The following HOOK1 variants were observed in gnomAD, a reference collection of about 807,000 sequenced individuals.
The protein encoded by HOOK1 is hook microtubule tethering protein 1.
In HOOK1, 60 loss-of-function variants were observed where a neutral mutation model predicts 112.8. The observed-to-expected ratio is 0.53, with a 90% CI of 0.43 to 0.66. HOOK1 has a LOEUF of 0.66. HOOK1 is among the 30% of genes least tolerant of loss of function. The pLI is 0.00. For missense variants in HOOK1, 770 were observed against 856.0 expected (o/e 0.90, Z 1.25); for synonymous variants, 294 against 283.8 (o/e 1.04, Z -0.36).
In HOOK1 at chr1:59,863,935, A is replaced by G. The variant is rs184372979; in HGVS notation, c.1627-697A>G. On this transcript the variant is annotated intron_variant, in intron 16 of 21. Transcript: ENST00000371208. ...CTAGAGAATACTTTTAAAATGAGGT[A>G]TTTTGCAGGGAGCACATTTTGGCTG... The G allele has an allele frequency of 2.7e-4, 138 of 520,378 alleles. No homozygotes were observed. The African/African-American group carries it at 2.7e-3, about 10-fold the overall frequency. The allele number at this position is 520,378 out of a possible 1,614,324, so 32.2% of individuals were successfully genotyped here.
At chr1:59,825,854 T>A (rs944404746) in intron 2 of HOOK1, among the ~76,000 whole-genome samples, 1 of 152,132 alleles carries the variant, frequency 6.6e-6, no homozygotes, top group Non-Finnish European at 1.5e-5. Flanking sequence ...AAAGTGTAGA[T>A]AGTTATGTGT....
chr1:59,823,329 AAAAC>A (rs750299468), intron 2 of HOOK1, among the ~76,000 whole-genome samples: 2 of 152,262 alleles, frequency 1.3e-5, no homozygotes, highest in Non-Finnish European at 2.9e-5. Context: ...CAAAAAACAA[AAAAC>A]AAACAAACAA....
chr1:59,815,098 C>A lies in HOOK1; in HGVS notation c.-20C>A. ...GGGAGTGTGAAGGTGTCCGCGGCGT[C>A]GTCGACGGCGGCGCCGGCCATGGAG... On this transcript the variant is annotated 5_prime_UTR_variant, in exon 1 of 22. Transcript: ENST00000371208. The A allele has an allele frequency of 6.5e-7, 1 of 1,538,668 alleles. No homozygotes were observed. Among genetic ancestry groups the A allele is most frequent in the Non-Finnish European group, 8.7e-7 (1 of 1,146,166 alleles).
At chr1:59,834,405 A>G (rs1006509700) in intron 5 of HOOK1, among the ~76,000 whole-genome samples, 15 of 152,334 alleles carry the variant, frequency 9.8e-5, no homozygotes, top group South Asian at 4.1e-4. Context: ...TAGTTTATCA[A>G]TTATAAAAGG....
chr1:59,852,920 A>T (rs1234250735), intron 12 of HOOK1, among the ~76,000 whole-genome samples: 2 of 151,776 alleles, frequency 1.3e-5, no homozygotes, highest in Non-Finnish European at 2.9e-5. Flanking sequence ...CTCAGTTTTC[A>T]TATATTTGTG....
At chr1:59,848,652 T>G in intron 11 of HOOK1, 136 bp downstream of exon 11, 1 of 603,780 alleles carries the variant, frequency 1.7e-6, no homozygotes, top group Non-Finnish European at 2.8e-6. Context: ...GATGAATTTC[T>G]TTCTTTAATT....
chr1:59,864,838 C>T (rs1389251816), intron 17 of HOOK1, 172 bp downstream of exon 17: 2 of 572,424 alleles, frequency 3.5e-6, no homozygotes, highest in South Asian at 2.5e-5. Flanking sequence ...CTACTACCCC[C>T]GTTCCAAACT....
intron 6 of HOOK1, among the ~76,000 whole-genome samples, chr1:59,835,924 CCATGGACTGGTG>C: frequency 6.6e-6 from 1 of 152,146 alleles, no homozygotes; most frequent in African/African-American, 2.4e-5. Flanking sequence ...TTTTAACAGG[CCATGGACTGGTG>C]CCAGTCCATG....
At chr1:59,860,065 G>A in intron 14 of HOOK1, 123 bp from the exon 15 acceptor site, 2 of 613,846 alleles carry the variant, frequency 3.3e-6, no homozygotes, top group Non-Finnish European at 5.3e-6. Flanking sequence ...AGCTATGCTA[G>A]CTGGTCCTGC....
Position 59,843,587 on chromosome 1 carries a change from A to G in HOOK1, c.777A>G (p.Glu259=). Residue 259 remains glutamate (E), a synonymous_variant, in exon 9 of 22, where the codon GAA becomes GAG. Transcript: ENST00000371208. ...AATTACAACTAGAACAATTACAGGA[A>G]GAAAACTTCAGGTAGCATTTTTAAT... is the stretch of plus-strand genomic sequence containing the variant. ...HAQLQLEQLQ[E]ENFRLEAAKD... The G allele has an allele frequency of 6.3e-7, 1 of 1,597,020 alleles. No individual in the cohort carries two copies. Among genetic ancestry groups the G allele is most frequent in the South Asian group, 1.1e-5 (1 of 87,352 alleles).
intron 15 of HOOK1, 43 bp downstream of exon 15, chr1:59,860,371 A>T (rs772811456): frequency 6.8e-7 from 1 of 1,470,394 alleles, no homozygotes. Flanking sequence ...TGATTTTATT[A>T]CCGAGCCATA....
At chr1:59,852,522 T>A (rs1378278460) in intron 12 of HOOK1, among the ~76,000 whole-genome samples, 2 of 151,488 alleles carry the variant, frequency 1.3e-5, no homozygotes, top group Non-Finnish European at 3.0e-5. Flanking sequence ...TTTTGTAATT[T>A]GAATTTCTCT....
At chr1:59,833,883 T>G (rs1470063696) in intron 5 of HOOK1, among the ~76,000 whole-genome samples, 1 of 152,234 alleles carries the variant, frequency 6.6e-6, no homozygotes, top group Non-Finnish European at 1.5e-5. Context: ...TTATGTGGAT[T>G]CAGTTTTCAT....
chr1:59,838,620 T>G (rs2098399321), intron 7 of HOOK1, among the ~76,000 whole-genome samples: 1 of 152,226 alleles, frequency 6.6e-6, no homozygotes. Context: ...ATGGATAGAT[T>G]GCAAAATTTT....
chr1:59,862,742 A>T, intron 15 of HOOK1, 42 bp from the exon 16 acceptor site: 1 of 1,218,334 alleles, frequency 8.2e-7, no homozygotes. Context: ...AACTGCTTTG[A>T]CTTTCAATAC....
intron 9 of HOOK1, 79 bp from the exon 10 acceptor site, chr1:59,846,966 A>T: frequency 8.8e-7 from 1 of 1,133,742 alleles, no homozygotes; most frequent in Non-Finnish European, 1.2e-6. Flanking sequence ...GCATTTGCAT[A>T]TATAGTCATG....
At chr1:59,862,047 A>G (rs1179593711) in intron 15 of HOOK1, among the ~76,000 whole-genome samples, 1 of 152,230 alleles carries the variant, frequency 6.6e-6, no homozygotes, top group Non-Finnish European at 1.5e-5. Context: ...AGACCATTAC[A>G]TATTACTATC....
In HOOK1 at chr1:59,843,535, T is replaced by C; in HGVS notation, c.725T>C (p.Val242Ala). 1 of 1,609,424 alleles carries C rather than the reference T, an allele frequency of 6.2e-7. No individual in the cohort carries two copies. Among genetic ancestry groups the C allele is most frequent in the Non-Finnish European group, 8.5e-7 (1 of 1,177,710 alleles). Residue 242 changes from valine (V) to alanine (A), a missense_variant, in exon 9 of 22, where the codon GTG becomes GCG. Physicochemically the swap from Val to Ala is moderately conservative, Grantham distance 64. Transcript: ENST00000371208. ...LDGSFDDPNT[V>A]VAKKYFHAQL... ...GGCTCTTTTGATGATCCAAACACAG[T>C]GGTTGCAAAAAAGTATTTTCATGCA...
At chr1:59,865,009 GC>G (rs1559062478) in intron 17 of HOOK1, 153 bp from the exon 18 acceptor site, 3 of 600,228 alleles carry the variant, frequency 5.0e-6, no homozygotes, top group Non-Finnish European at 9.1e-6. Context: ...CCTGCCGTGT[GC>G]CTGACTGTTT....
Sources: allele counts gnomAD v4.1 joint callset (sites outside exome capture counted in the v4.1 genomes callset), GRCh38; gene constraint gnomAD v4.1.1; transcripts MANE v1.5; gene names NCBI Gene and HGNC (gene_info 2026-07-23, HGNC 2026-07-21).